The following CFAP74 variants were observed in gnomAD, a reference collection of about 807,000 sequenced individuals.
CFAP74 encodes cilia and flagella associated protein 74.
In CFAP74, 124 loss-of-function variants were observed where a neutral mutation model predicts 188.9. The ratio of observed to expected loss-of-function variants is 0.66; its 90% confidence interval spans 0.57 to 0.76. The LOEUF is 0.76. Ranked by LOEUF, CFAP74 falls within the 30% of genes least tolerant of loss-of-function variation. CFAP74 has a pLI of 0.00. For missense variants in CFAP74, 2,198 were observed against 2,165.2 expected (o/e 1.02, Z -0.30); for synonymous variants, 956 against 916.7 (o/e 1.04, Z -0.77).
At chr1:1,991,780 C>G (rs535408584) in intron 1 of CFAP74, among the ~76,000 whole-genome samples, 1 of 152,264 alleles carries the variant, frequency 6.6e-6, no homozygotes, top group South Asian at 2.1e-4. Flanking sequence ...TGGCTCACAC[C>G]TGTAATCCCA....
intron 10 of CFAP74, among the ~76,000 whole-genome samples, chr1:1,970,221 C>G (rs1450593392): frequency 6.6e-6 from 1 of 152,220 alleles, no homozygotes; most frequent in Non-Finnish European, 1.5e-5. Flanking sequence ...GCCGTGGCAG[C>G]AGGAAGCCAG....
intron 1 of CFAP74, among the ~76,000 whole-genome samples, chr1:1,999,122 T>C (rs993661471): frequency 1.3e-5 from 2 of 152,150 alleles, no homozygotes; most frequent in African/African-American, 4.8e-5. Context: ...AATGGAACAA[T>C]AGTTTTGAAG....
rs989593455 is a variant in CFAP74, at chr1:1,937,871, C to T, written c.3011+984G>A. Among the ~76,000 whole-genome samples the T allele has an allele frequency of 1.2e-3, 40 of 32,442 alleles. 1 individual carries two copies. The highest frequency in any genetic ancestry group is 3.9e-3 in the African/African-American group (39 of 10,086). 21.3% of individuals were successfully genotyped at this position (32,442 alleles called of 152,430 possible). On this transcript the variant is annotated intron_variant, in intron 25 of 38. Coordinates refer to ENST00000682832, the MANE Select transcript of CFAP74 (RefSeq NM_001304360.2). ...AGGTCCACCTCTGGACACAGGTCCA[C>T]CCACCTGTGTCCAGAGGGGTGCCCT... is the stretch of plus-strand genomic sequence containing the variant.
intron 6 of CFAP74, among the ~76,000 whole-genome samples, chr1:1,977,353 A>G (rs1382801772): frequency 2.0e-5 from 3 of 152,120 alleles, no homozygotes; most frequent in Non-Finnish European, 4.4e-5. Context: ...GAGTGCCCCA[A>G]ACCGCCAAGC....
chr1:1,959,767 C>T (rs544263170), intron 15 of CFAP74, among the ~76,000 whole-genome samples, 197 bp downstream of exon 15: 8 of 152,350 alleles, frequency 5.3e-5, no homozygotes, highest in South Asian at 4.1e-4. Flanking sequence ...AGAGGAGCTG[C>T]GCCGCGGTTC....
In CFAP74 at chr1:1,968,940, CG is replaced by C. The variant is rs537974547; in HGVS notation, c.1047-108del. 2.9e-3 allele frequency: 1,687 copies of C among 587,624 alleles called. 2 individuals are homozygous for C. Among genetic ancestry groups the C allele is most frequent in the Admixed American group, 5.1e-3 (142 of 27,962 alleles). The allele number at this position is 587,624 out of a possible 1,614,324, so 36.4% of individuals were successfully genotyped here. A position where few individuals can be genotyped will look rare whatever the true frequency, so the allele number is the denominator to read the frequency against. ...CTCCCTAGCGCCCTCCTGGGGGCTC[CG>C]GTCCTGCCCAGCAGCCCCAGGTGAG... On this transcript the variant is annotated intron_variant, in intron 10 of 38. Coordinates refer to ENST00000682832, the MANE Select transcript of CFAP74 (RefSeq NM_001304360.2). This position sits in a 1 kb window ranked among gnomAD's most constrained non-coding sequence, Gnocchi z 4.3.
chr1:1,944,234 C>G, intron 21 of CFAP74, 97 bp downstream of exon 21: 2 of 1,473,080 alleles, frequency 1.4e-6, no homozygotes, highest in Non-Finnish European at 1.8e-6. Flanking sequence ...ACCCCGTGTG[C>G]GTGGACAGGA....
chr1:1,944,579 C>T (rs1653621474), intron 20 of CFAP74, 127 bp from the exon 21 acceptor site: 1 of 932,162 alleles, frequency 1.1e-6, no homozygotes. Flanking sequence ...TTTGGGACGG[C>T]TGTGGCACTT....
chr1:1,948,016 G>A (rs1403702545), intron 18 of CFAP74, among the ~76,000 whole-genome samples: 2 of 152,126 alleles, frequency 1.3e-5, no homozygotes, highest in Non-Finnish European at 2.9e-5. Flanking sequence ...GGGATTACAC[G>A]CACCTGCCAT....
chr1:1,987,413 G>A (rs144698580), intron 4 of CFAP74, among the ~76,000 whole-genome samples: 21 of 152,324 alleles, frequency 1.4e-4, no homozygotes, highest in Middle Eastern at 3.4e-3. Context: ...TCCAGAGAGC[G>A]GGCCAGGCAG....
At chr1:1,955,224 A>G in intron 18 of CFAP74, 1 of 1,289,732 alleles carries the variant, frequency 7.8e-7, no homozygotes, top group Non-Finnish European at 1.0e-6. Flanking sequence ...AAGAGAAGCA[A>G]GGAGGAGACG....
intron 28 of CFAP74, 86 bp downstream of exon 28, chr1:1,927,521 T>A: frequency 1.6e-6 from 2 of 1,270,960 alleles, no homozygotes; most frequent in Non-Finnish European, 2.1e-6. Flanking sequence ...GGGCAATCTG[T>A]AGGGAGGGGA....
intron 14 of CFAP74, among the ~76,000 whole-genome samples, chr1:1,962,975 A>C (rs1056945719): frequency 6.6e-6 from 1 of 152,260 alleles, no homozygotes; most frequent in Non-Finnish European, 1.5e-5. Flanking sequence ...AGGAGGATCC[A>C]AAACACAGGT....
intron 5 of CFAP74, 86 bp downstream of exon 5, chr1:1,986,851 G>A (rs1657269405): frequency 3.6e-6 from 4 of 1,114,474 alleles, no homozygotes; most frequent in Non-Finnish European, 5.3e-6. Context: ...CACAGCAGGT[G>A]CTTCACGCCT....
rs1200126284 is a variant in CFAP74 at position 1,975,026 on chromosome 1, G to C, written c.501-828C>G. Among the ~76,000 whole-genome samples, 1 of 152,242 alleles carries C rather than the reference G, an allele frequency of 6.6e-6. No individual in the cohort carries two copies. Among genetic ancestry groups the C allele is most frequent in the Admixed American group, 6.5e-5 (1 of 15,286 alleles). ...CTCAGGCCGGGGCTGGCCACGCGAG[G>C]ATCAGAACCCTGGACAAGGTCAGAC... On this transcript the variant is annotated intron_variant, in intron 6 of 38. Transcript: ENST00000682832. The surrounding 1 kb of genome is among the most constrained non-coding windows in gnomAD (Gnocchi z 4.5).
At chr1:1,965,206 C>G in intron 12 of CFAP74, 145 bp from the exon 13 acceptor site, 1 of 775,062 alleles carries the variant, frequency 1.3e-6, no homozygotes, top group Non-Finnish European at 2.0e-6. Flanking sequence ...CTGGGAAGAG[C>G]CCCATGGCCC....
At chr1:1,948,979 TCCCTC>T (rs1654008559) in intron 18 of CFAP74, among the ~76,000 whole-genome samples, 2 of 93,844 alleles carry the variant, frequency 2.1e-5, no homozygotes, top group African/African-American at 3.9e-5. Flanking sequence ...CCTCCTTCCC[TCCCTC>T]CTTTCCTTCA....
At chr1:1,948,952 C>CCCTCCCTT (rs1243221496) in intron 18 of CFAP74, among the ~76,000 whole-genome samples, 1 of 137,928 alleles carries the variant, frequency 7.3e-6, no homozygotes, top group Non-Finnish European at 1.6e-5. Flanking sequence ...TCCTTTCCCT[C>CCCTCCCTT]CCTTACTCCC....
intron 4 of CFAP74, among the ~76,000 whole-genome samples, 160 bp downstream of exon 4, chr1:1,988,352 G>A (rs1657368402): frequency 6.6e-6 from 1 of 152,158 alleles, no homozygotes; most frequent in Non-Finnish European, 1.5e-5. Context: ...ACTAGCTCCC[G>A]GGTGGGGCTT....
Sources: allele counts gnomAD v4.1 joint callset (sites outside exome capture counted in the v4.1 genomes callset), GRCh38; gene constraint gnomAD v4.1.1; non-coding constraint Gnocchi (gnomAD v3.1); transcripts MANE v1.5; gene names NCBI Gene and HGNC (gene_info 2026-07-23, HGNC 2026-07-21).